Variants in KAT2B observed in about 807,000 individuals in gnomAD.
KAT2B encodes the protein histone acetyltransferase KAT2B.
In KAT2B, 36 loss-of-function variants were observed where a neutral mutation model predicts 105.9. That is an observed-to-expected ratio of 0.34 (90% CI 0.26 to 0.45). KAT2B has a LOEUF of 0.45. Among genes scored for constraint, KAT2B ranks in the 20% least tolerant of loss-of-function variants. KAT2B has a pLI of 1.00. For missense variants in KAT2B, 820 were observed against 1,021.6 expected (o/e 0.80, Z 2.69); for synonymous variants, 397 against 377.9 (o/e 1.05, Z -0.59).
chr3:20,066,420 G>C (rs1358139608), intron 1 of KAT2B, among the ~76,000 whole-genome samples: 1 of 151,922 alleles, frequency 6.6e-6, no homozygotes, highest in Non-Finnish European at 1.5e-5. Flanking sequence ...ATTATTATTT[G>C]AGACAGTCTC....
intron 1 of KAT2B, among the ~76,000 whole-genome samples, chr3:20,059,203 G>A (rs555580686): frequency 2.0e-5 from 3 of 151,732 alleles, no homozygotes; most frequent in Non-Finnish European, 2.9e-5. Flanking sequence ...ACTTGAGGTC[G>A]GGAGTTCGAG....
At chr3:20,060,942 AAACAACAAC>A (rs146487562) in intron 1 of KAT2B, among the ~76,000 whole-genome samples, 7 of 151,434 alleles carry the variant, frequency 4.6e-5, no homozygotes, top group Non-Finnish European at 1.0e-4. Context: ...CCCTGTCTCA[AAACAACAAC>A]AACAACAACA....
intron 7 of KAT2B, among the ~76,000 whole-genome samples, chr3:20,119,279 T>C (rs1699264781): frequency 1.2e-5 from 1 of 85,996 alleles, no homozygotes; most frequent in South Asian, 3.0e-4. Context: ...CAAATAGTGA[T>C]TTTTTTTTTT....
Position 20,149,998 on chromosome 3 carries a change from GTCTAGCAGATCTCGTCGA to G in KAT2B, c.2305+1514_2305+1531del, listed in dbSNP as rs1699844662. ...GCACTCTGATGACGTGCAGCGATAGGTCTAGCAGATCTCGTCGATCATAGCCTACTTGCAGCCTGCTTT... is the reference window on the plus strand; with the variant it reads ...GCACTCTGATGACGTGCAGCGATAGGTCATAGCCTACTTGCAGCCTGCTTT... On this transcript the variant is annotated intron_variant, in intron 17 of 17. Transcript: ENST00000263754. 5.3e-5 allele frequency among the ~76,000 whole-genome samples: 8 copies of G among 152,194 alleles called. 1 individual carries two copies. The South Asian group carries it at 1.7e-3, about 32-fold the overall frequency.
chr3:20,059,632 G>A (rs913007082), intron 1 of KAT2B, among the ~76,000 whole-genome samples: 8 of 152,090 alleles, frequency 5.3e-5, no homozygotes, highest in African/African-American at 1.9e-4. Flanking sequence ...GTGAACCTGG[G>A]AGGTGGAGCT....
intron 5 of KAT2B, among the ~76,000 whole-genome samples, chr3:20,107,718 C>T (rs1406322864): frequency 6.7e-6 from 1 of 150,126 alleles, no homozygotes; most frequent in African/African-American, 2.4e-5. Context: ...ACCATGTAAC[C>T]ATTGTGAAAA....
At chr3:20,123,876 TCATTGCCTTG>T (rs761898798) in intron 9 of KAT2B, among the ~76,000 whole-genome samples, 4 of 152,180 alleles carry the variant, frequency 2.6e-5, no homozygotes, top group Non-Finnish European at 5.9e-5. Context: ...TGCTGTCATC[TCATTGCCTTG>T]CATCTGAGGG....
At chr3:20,142,886 T>TGTGC (rs1491119384) in intron 13 of KAT2B, among the ~76,000 whole-genome samples, 1 of 121,594 alleles carries the variant, frequency 8.2e-6, no homozygotes, top group East Asian at 2.0e-4. Flanking sequence ...TCTATGTGCC[T>TGTGC]GTGTGTGTGT....
intron 1 of KAT2B, among the ~76,000 whole-genome samples, chr3:20,061,934 A>G (rs1429062611): frequency 2.7e-5 from 3 of 110,454 alleles, no homozygotes; most frequent in Non-Finnish European, 5.0e-5. Flanking sequence ...TATCATATAT[A>G]AAACATAATA....
At chr3:20,132,580 G>C (rs1271203016) in intron 11 of KAT2B, among the ~76,000 whole-genome samples, 2 of 152,136 alleles carry the variant, frequency 1.3e-5, no homozygotes, top group Non-Finnish European at 2.9e-5. Context: ...GCTTATAATA[G>C]CTTTATGTTG....
At chr3:20,118,910 T>C (rs545192260) in intron 7 of KAT2B, among the ~76,000 whole-genome samples, 4 of 151,656 alleles carry the variant, frequency 2.6e-5, no homozygotes, top group Non-Finnish European at 5.9e-5. Context: ...ATAAAAACTA[T>C]AGTTTTCTGT....
At chr3:20,099,065 A>G (rs943873962) in intron 3 of KAT2B, among the ~76,000 whole-genome samples, 1 of 152,204 alleles carries the variant, frequency 6.6e-6, no homozygotes, top group Non-Finnish European at 1.5e-5. Context: ...TCAAGCAAAG[A>G]TCGAAGGTAA....
intron 1 of KAT2B, among the ~76,000 whole-genome samples, chr3:20,062,331 G>A (rs182857046): frequency 0.17 from 12,103 of 71,508 alleles, 2,111 homozygotes; most frequent in Non-Finnish European, 0.26. Flanking sequence ...TATTTATTAT[G>A]TATAAAATAT....
At chr3:20,135,667 T>A (rs1002719713) in intron 11 of KAT2B, among the ~76,000 whole-genome samples, 11 of 142,650 alleles carry the variant, frequency 7.7e-5, no homozygotes, top group Non-Finnish European at 1.5e-4. Context: ...AAAAAAAAAA[T>A]AAAAACCAAA....
At chr3:20,120,946 C>G (rs531555904) in intron 8 of KAT2B, among the ~76,000 whole-genome samples, 37 of 152,212 alleles carry the variant, frequency 2.4e-4, no homozygotes, top group Non-Finnish European at 4.3e-4. Flanking sequence ...TGCAGAAACT[C>G]TTTACCAGTG....
chr3:20,055,821 C>G (rs1191418350), intron 1 of KAT2B, among the ~76,000 whole-genome samples: 1 of 152,204 alleles, frequency 6.6e-6, no homozygotes, highest in Non-Finnish European at 1.5e-5. Context: ...TCAAGTCTCT[C>G]TCCCTTGGAA....
intron 2 of KAT2B, among the ~76,000 whole-genome samples, chr3:20,094,238 G>A (rs1247390720): frequency 6.6e-6 from 1 of 152,142 alleles, no homozygotes; most frequent in Non-Finnish European, 1.5e-5. Flanking sequence ...AGGAAGGCAA[G>A]TCTTACATGG....
chr3:20,076,989 T>C (rs1411162374), intron 2 of KAT2B, among the ~76,000 whole-genome samples: 1 of 152,194 alleles, frequency 6.6e-6, no homozygotes, highest in African/African-American at 2.4e-5. Flanking sequence ...TGATTAAATG[T>C]TGGGTTTCTT....
chr3:20,074,505 A>G (rs1015124160), intron 2 of KAT2B, among the ~76,000 whole-genome samples: 3 of 152,202 alleles, frequency 2.0e-5, no homozygotes, highest in African/African-American at 4.8e-5. Flanking sequence ...AAATCTTAGA[A>G]TAGTACCTGG....
Sources: gnomAD v4.1 joint callset for allele counts (sites outside exome capture counted in the v4.1 genomes callset) on GRCh38, gnomAD v4.1.1 for gene constraint, MANE v1.5 for transcripts, NCBI Gene and HGNC (gene_info 2026-07-23, HGNC 2026-07-21) for gene names.